TIPIN: variants seen among roughly 807,000 people sequenced by gnomAD.
TIPIN encodes TIMELESS-interacting protein.
Under a neutral mutation model 35.6 loss-of-function variants are expected in TIPIN, and 29 were observed. The ratio of observed to expected loss-of-function variants is 0.82; its 90% CI spans 0.61 to 1.11. TIPIN has a LOEUF of 1.11. TIPIN is among the 50% of genes most tolerant of loss of function. The pLI, the probability that TIPIN is intolerant of heterozygous loss-of-function variation, is 0.00. For missense variants in TIPIN, 296 were observed against 345.4 expected, an observed-to-expected ratio of 0.86 and a Z score of 1.13; for synonymous variants, 102 against 121.5, an observed-to-expected ratio of 0.84 and a Z score of 1.06.
chr15:66,357,148 C>G (rs549939490), upstream of TIPIN, among the ~76,000 whole-genome samples: 3 of 152,182 alleles, frequency 2.0e-5, no homozygotes, highest in East Asian at 5.8e-4. Context: ...TGGTGTCGAA[C>G]TCCTTAGCTC....
chr15:66,365,134 A>G (rs879769028), intron 1 of TIPIN, among the ~76,000 whole-genome samples: 6 of 152,048 alleles, frequency 3.9e-5, no homozygotes, highest in Non-Finnish European at 8.8e-5. Flanking sequence ...AAATGAGATA[A>G]GAGGTCAACA....
At chr15:66,344,270 G>A (rs1390027880) in intron 6 of TIPIN, among the ~76,000 whole-genome samples, 1 of 151,766 alleles carries the variant, frequency 6.6e-6, no homozygotes, top group East Asian at 1.9e-4. Context: ...CCTAACTCCT[G>A]GCTTCAAATG....
In TIPIN at chr15:66,349,069, T is replaced by C; in HGVS notation, c.466A>G (p.Ser156Gly). The change falls in exon 6 of 8, where the codon AGC becomes GGC. Residue 156 changes from serine (S) to glycine (G), a missense_variant. Transcript: ENST00000261881. ...DLPILHEDFV[S>G]NNDEVAENNE... ...AAACCTATATTCTTACCATTATTGC[T>C]AACAAAATCTTCATGTAAAATAGGG... 6 of 1,609,566 alleles carry C rather than the reference T, an allele frequency of 3.7e-6. No homozygotes were observed. The highest frequency in any genetic ancestry group is 5.1e-6 in the Non-Finnish European group (6 of 1,177,678).
chr15:66,383,130 C>T (rs1480006800), intron 1 of TIPIN: 3 of 376,634 alleles, frequency 8.0e-6, no homozygotes, highest in Non-Finnish European at 1.1e-5. Context: ...GCATTTTACA[C>T]AGAGTGGAAG....
In TIPIN at chr15:66,375,025, T is replaced by C. The variant is rs116706528; in HGVS notation, c.-9+11582A>G. Among the ~76,000 whole-genome samples, 522 of 152,274 alleles carry C rather than the reference T, an allele frequency of 3.4e-3. 4 individuals are homozygous for C. Among genetic ancestry groups the C allele is most frequent in the African/African-American group, 0.012 (501 of 41,554 alleles). On this transcript the variant is annotated intron_variant, in intron 1 of 7. Coordinates refer to the TIPIN transcript ENST00000562124. ...TGTGTCTGGCTTTGCCCATTTTTTT[T>C]GGTTTTTTAATTGGATTGTCTATCT...
At chr15:66,372,695 A>G (rs1165269058) in intron 1 of TIPIN, among the ~76,000 whole-genome samples, 1 of 152,054 alleles carries the variant, frequency 6.6e-6, no homozygotes, top group Middle Eastern at 3.4e-3. Flanking sequence ...CACGAGGTCA[A>G]GAGTTTGAGA....
chr15:66,341,102 G>A, intron 7 of TIPIN, 48 bp downstream of exon 7: 1 of 1,548,900 alleles, frequency 6.5e-7, no homozygotes, highest in Non-Finnish European at 8.8e-7. Flanking sequence ...TTTCTAACAT[G>A]TCCTTGATAT....
chr15:66,338,029 G>A (rs2093057910), intron 7 of TIPIN, among the ~76,000 whole-genome samples: 1 of 152,152 alleles, frequency 6.6e-6, no homozygotes, highest in African/African-American at 2.4e-5. Flanking sequence ...GCTGAGGCAG[G>A]CAGATCACTC....
At chr15:66,380,232 C>T (rs1215263925) in intron 1 of TIPIN, among the ~76,000 whole-genome samples, 1 of 151,612 alleles carries the variant, frequency 6.6e-6, no homozygotes, top group Non-Finnish European at 1.5e-5. Flanking sequence ...TTTCGATCTC[C>T]TGACCTCGTG....
In TIPIN at chr15:66,380,960, TTTCTC is replaced by T. The variant is rs368554329; in HGVS notation, c.-9+5642_-9+5646del. Among the ~76,000 whole-genome samples the T allele has an allele frequency of 5.1e-3, 771 of 152,302 alleles. 7 individuals are homozygous for T. Among genetic ancestry groups the T allele is most frequent in the African/African-American group, 0.018 (739 of 41,572 alleles). On this transcript the variant is annotated intron_variant, in intron 1 of 7. Coordinates refer to the TIPIN transcript ENST00000562124. ...GGGTGTGTCATAAATGATGTAATCA[TTTCTC>T]TTCTGTTGAATATTTAGGTAATTTC...
chr15:66,383,750 G>A (rs2093326327), intron 1 of TIPIN: 1 of 188,972 alleles, frequency 5.3e-6, no homozygotes, highest in Non-Finnish European at 9.8e-6. Context: ...CAGATATGTA[G>A]GATGAAGAAG....
chr15:66,354,062 T>C (rs2093187517), intron 1 of TIPIN, among the ~76,000 whole-genome samples: 1 of 152,170 alleles, frequency 6.6e-6, no homozygotes, highest in Non-Finnish European at 1.5e-5. Flanking sequence ...TCCTGGATTT[T>C]CTTTGCAGGT....
At chr15:66,354,812 C>A (rs28678367) in intron 1 of TIPIN, among the ~76,000 whole-genome samples, 1 of 151,926 alleles carries the variant, frequency 6.6e-6, no homozygotes, top group East Asian at 1.9e-4. Context: ...AAGTTTACCT[C>A]AATTTCTCTA....
intron 1 of TIPIN, among the ~76,000 whole-genome samples, chr15:66,371,553 G>A (rs1797178105): frequency 6.8e-6 from 1 of 146,134 alleles, no homozygotes; most frequent in Admixed American, 7.1e-5. Context: ...TCACTCTGTT[G>A]CCCAGGCTGG....
upstream of TIPIN, among the ~76,000 whole-genome samples, chr15:66,357,001 C>G (rs1595804885): frequency 6.6e-6 from 1 of 152,152 alleles, no homozygotes; most frequent in Admixed American, 6.5e-5. Context: ...ACTACAGTCT[C>G]TACCTCCCGG....
intron 1 of TIPIN, among the ~76,000 whole-genome samples, chr15:66,382,638 G>T (rs920183851): frequency 1.3e-5 from 2 of 151,308 alleles, no homozygotes; most frequent in African/African-American, 4.8e-5. Flanking sequence ...GCCTTCCAAA[G>T]TGCTGGGATT....
intron 1 of TIPIN, among the ~76,000 whole-genome samples, chr15:66,386,041 T>A (rs4776784): frequency 6.6e-6 from 1 of 151,520 alleles, no homozygotes; most frequent in African/African-American, 2.4e-5. Context: ...AAAATTGGGA[T>A]TACAGGCGTG....
intron 6 of TIPIN, among the ~76,000 whole-genome samples, chr15:66,344,739 C>T (rs2140448652): frequency 6.6e-6 from 1 of 151,042 alleles, no homozygotes; most frequent in East Asian, 1.9e-4. Flanking sequence ...GCAGGTGGTG[C>T]ATGCCTGTAA....
chr15:66,338,611 G>C (rs2093061568), intron 7 of TIPIN, among the ~76,000 whole-genome samples: 1 of 151,226 alleles, frequency 6.6e-6, no homozygotes, highest in African/African-American at 2.4e-5. Flanking sequence ...TTAGGGGATC[G>C]AGACCATCCT....
Sources: allele counts gnomAD v4.1 joint callset (sites outside exome capture counted in the v4.1 genomes callset), GRCh38; gene constraint gnomAD v4.1.1; transcripts MANE v1.5; gene names NCBI Gene and HGNC (gene_info 2026-07-23, HGNC 2026-07-21).